The following APOBEC1 variants were observed in gnomAD, a reference collection of about 807,000 sequenced individuals.
APOBEC1 encodes apolipoprotein B mRNA editing enzyme catalytic subunit 1.
APOBEC1 carries 22 observed loss-of-function variants against 26.3 expected under a neutral mutation model. The ratio of observed to expected loss-of-function variants is 0.84; its 90% CI spans 0.60 to 1.19. The LOEUF is 1.19. APOBEC1 is among the 50% of genes most tolerant of loss of function. APOBEC1 has a pLI of 0.00. For missense variants in APOBEC1, 253 were observed against 289.0 expected, an observed-to-expected ratio of 0.88 and a Z score of 0.90; for synonymous variants, 77 against 95.3, an observed-to-expected ratio of 0.81 and a Z score of 1.12.
chr12:7,654,479 C>G (rs979808468), intron 2 of APOBEC1, 126 bp downstream of exon 2: 15 of 928,394 alleles, frequency 1.6e-5, no homozygotes, highest in Non-Finnish European at 2.6e-5. Context: ...TCAAGCGATC[C>G]TCCTACTCCT....
At chr12:7,666,628 G>T (rs984912154), upstream of APOBEC1, among the ~76,000 whole-genome samples, 1 of 152,004 alleles carries the variant, frequency 6.6e-6, no homozygotes, top group Non-Finnish European at 1.5e-5. Flanking sequence ...AGAGATGAGA[G>T]GAAAAATAAA....
At chr12:7,656,803 A>G (rs1413486756) in intron 1 of APOBEC1, among the ~76,000 whole-genome samples, 1 of 152,214 alleles carries the variant, frequency 6.6e-6, no homozygotes, top group Non-Finnish European at 1.5e-5. Flanking sequence ...ATAAACGTTA[A>G]GCACTGTTAT....
Position 7,651,204 on chromosome 12 carries a change from C to T in APOBEC1, c.443-63G>A, listed in dbSNP as rs900486189. 9 of 1,157,476 alleles carry T rather than the reference C, an allele frequency of 7.8e-6. No homozygotes were observed. The Admixed American group carries it at 1.0e-4, about 13-fold the overall frequency. The allele number at this position is 1,157,476 out of a possible 1,614,324, so 71.7% of individuals were successfully genotyped here. On this transcript the variant is annotated intron_variant, in intron 3 of 4. Coordinates refer to ENST00000229304, the MANE Select transcript of APOBEC1 (RefSeq NM_001644.5). ...AATGGTAAATTACTTAAGAAGATCC[C>T]CAACCTAGCTTCCCGTATAGAAAGC...
upstream of APOBEC1, among the ~76,000 whole-genome samples, chr12:7,668,666 A>T (rs1222087821): frequency 6.6e-6 from 1 of 152,146 alleles, no homozygotes; most frequent in African/African-American, 2.4e-5. Flanking sequence ...AAATGTATAC[A>T]TACACTTATG....
At chr12:7,661,973 C>T (rs1050327612) in intron 1 of APOBEC1, among the ~76,000 whole-genome samples, 1 of 152,162 alleles carries the variant, frequency 6.6e-6, no homozygotes, top group African/African-American at 2.4e-5. Context: ...GGCTGGGTGC[C>T]ATAGCTCATG....
intron 3 of APOBEC1, 57 bp downstream of exon 3, chr12:7,652,381 G>C (rs1172894334): frequency 6.7e-7 from 1 of 1,488,976 alleles, no homozygotes; most frequent in Non-Finnish European, 9.0e-7. Context: ...CCTAAAAACA[G>C]CTACTATCAC....
chr12:7,655,611 G>T (rs766775087), intron 1 of APOBEC1, among the ~76,000 whole-genome samples: 20 of 152,168 alleles, frequency 1.3e-4, no homozygotes, highest in Non-Finnish European at 2.1e-4. Flanking sequence ...AGCTTTGAGG[G>T]GCCTCACAGG....
intron 1 of APOBEC1, among the ~76,000 whole-genome samples, chr12:7,662,539 C>T (rs1380537558): frequency 6.6e-6 from 1 of 152,062 alleles, no homozygotes; most frequent in African/African-American, 2.4e-5. Context: ...GCCAAGATCA[C>T]ACCATTGCAC....
chr12:7,654,640 C>T lies in APOBEC1; in HGVS notation c.17-8G>A. 2 of 1,613,732 alleles carry T rather than the reference C, an allele frequency of 1.2e-6. No homozygotes were observed. The highest frequency in any genetic ancestry group is 8.5e-7 in the Non-Finnish European group (1 of 1,179,734). On this transcript the variant is annotated splice_polypyrimidine_tract_variant and splice_region_variant and intron_variant, in intron 1 of 4. Transcript: ENST00000229304. ...GGTCACCGGTTGAAGGACCTGTTGA[C>T]CAAGATATGATTATGTCAAACAACA...
chr12:7,664,469 C>G (rs1863864561), intron 1 of APOBEC1, among the ~76,000 whole-genome samples: 1 of 152,208 alleles, frequency 6.6e-6, no homozygotes, highest in Non-Finnish European at 1.5e-5. Context: ...AATTTGCTTT[C>G]TGGTCTTACT....
upstream of APOBEC1, among the ~76,000 whole-genome samples, chr12:7,667,189 G>A (rs1283477881): frequency 1.3e-5 from 2 of 152,066 alleles, no homozygotes; most frequent in African/African-American, 4.8e-5. Context: ...TAGGATTACA[G>A]GCGTGAGCCA....
upstream of APOBEC1, among the ~76,000 whole-genome samples, chr12:7,669,109 T>C (rs1258865242): frequency 6.6e-6 from 1 of 152,128 alleles, no homozygotes; most frequent in Non-Finnish European, 1.5e-5. Flanking sequence ...TCTGTCTCTA[T>C]AGTTTAGTTT....
At chr12:7,659,322 A>AAAAATATAT (rs1555094633) in intron 1 of APOBEC1, among the ~76,000 whole-genome samples, 7 of 46,290 alleles carry the variant, frequency 1.5e-4, no homozygotes, top group South Asian at 1.1e-3. Context: ...AAAAAAAAAA[A>AAAAATATAT]ATATATATAT....
intron 4 of APOBEC1, among the ~76,000 whole-genome samples, chr12:7,649,994 T>C (rs1042407739): frequency 6.6e-6 from 1 of 151,950 alleles, no homozygotes; most frequent in African/African-American, 2.4e-5. Context: ...TTTTTTGTGT[T>C]TTTGTTGAGA....
chr12:7,666,740 C>T, upstream of APOBEC1, among the ~76,000 whole-genome samples: 1 of 152,162 alleles, frequency 6.6e-6, no homozygotes, highest in East Asian at 1.9e-4. Flanking sequence ...CTATTTCCAA[C>T]TTCCTCTCAT....
At chr12:7,659,947 C>A (rs916259913) in intron 1 of APOBEC1, among the ~76,000 whole-genome samples, 5 of 151,122 alleles carry the variant, frequency 3.3e-5, no homozygotes, top group Non-Finnish European at 5.9e-5. Context: ...CCAGCCTGGG[C>A]GACAGAGCGA....
rs896639571 is a variant in APOBEC1, at chr12:7,651,572, A to G, written c.443-431T>C. On this transcript the variant is annotated intron_variant, in intron 3 of 4. Coordinates refer to ENST00000229304, the MANE Select transcript of APOBEC1 (RefSeq NM_001644.5). The stretch of plus-strand genomic sequence containing the variant: ...GCTTGCAGTGAGTCGAGATTGCACC[A>G]CTGCACTCCAGCCTGGGCGAAAGAG... Among the ~76,000 whole-genome samples, 19 of 147,660 alleles carry G rather than the reference A, an allele frequency of 1.3e-4. No individual in the cohort carries two copies. In the Admixed American group the frequency reaches 1.3e-3, roughly 10 times the overall value.
intron 1 of APOBEC1, among the ~76,000 whole-genome samples, chr12:7,661,901 A>C (rs1293431707): frequency 6.6e-6 from 1 of 152,204 alleles, no homozygotes; most frequent in Admixed American, 6.5e-5. Context: ...CTAAATTCCC[A>C]ATGCACAGGG....
chr12:7,664,412 T>A (rs1256087456), intron 1 of APOBEC1, among the ~76,000 whole-genome samples: 1 of 152,230 alleles, frequency 6.6e-6, no homozygotes, highest in Admixed American at 6.5e-5. Context: ...AAACTTTCAT[T>A]CCTTGAGCCT....
Sources: gnomAD v4.1 joint callset for allele counts (sites outside exome capture counted in the v4.1 genomes callset) on GRCh38, gnomAD v4.1.1 for gene constraint, MANE v1.5 for transcripts, NCBI Gene and HGNC (gene_info 2026-07-23, HGNC 2026-07-21) for gene names.